Variants in PRR16 observed in about 807,000 individuals in gnomAD.
The protein encoded by PRR16 is proline rich 16.
In PRR16, 6 loss-of-function variants were observed where a neutral mutation model predicts 18.2. The ratio of observed to expected loss-of-function variants is 0.33; its 90% confidence interval spans 0.18 to 0.65. The LOEUF (loss-of-function observed/expected upper bound fraction) is 0.65, where lower values mean the gene tolerates loss of function less well. Among genes scored for constraint, PRR16 ranks in the 30% least tolerant of loss-of-function variants. The probability of loss-of-function intolerance (pLI) is 0.74; values close to 1 mark genes in which losing one functional copy is unlikely to be tolerated. For missense variants in PRR16, 412 were observed against 376.6 expected (o/e 1.09, Z -0.78); for synonymous variants, 151 against 147.8 (o/e 1.02, Z -0.16).
chr5:120,731,410 G>C, the PRR16 span, among the ~76,000 whole-genome samples: 7 of 152,220 alleles, frequency 4.6e-5, no homozygotes, highest in South Asian at 1.5e-3. Flanking sequence ...GCTGGATCTG[G>C]CTTGTACCAC....
Position 120,493,142 on chromosome 5 carries a change from C to T in PRR16, c.159+28497C>T, listed in dbSNP as rs75956157. The stretch of plus-strand genomic sequence containing the variant: ...TTTTAAGGAATGTCTATATTATTTT[C>T]CATAGTGTTAGCACTAATTTACATT... On this transcript the variant is annotated intron_variant, in intron 1 of 1. Coordinates refer to ENST00000407149, the MANE Select transcript of PRR16 (RefSeq NM_001300783.2). 4.6e-3 allele frequency among the ~76,000 whole-genome samples: 693 copies of T among 152,270 alleles called. 31 individuals are homozygous for T. In the East Asian group the frequency reaches 0.13, roughly 28 times the overall value.
chr5:120,758,256 AG>A, the PRR16 span, among the ~76,000 whole-genome samples: 1 of 151,666 alleles, frequency 6.6e-6, no homozygotes, highest in Non-Finnish European at 1.5e-5. Flanking sequence ...TTTTTAGATG[AG>A]TACTGATTTT....
At chr5:120,673,116 A>G (rs1490762700) in intron 1 of PRR16, among the ~76,000 whole-genome samples, 1 of 152,262 alleles carries the variant, frequency 6.6e-6, no homozygotes, top group Non-Finnish European at 1.5e-5. Flanking sequence ...AAAGAAAAGT[A>G]AAAACCTCAT....
intron 1 of PRR16, among the ~76,000 whole-genome samples, chr5:120,483,974 G>T (rs570595122): frequency 2.0e-5 from 3 of 152,112 alleles, no homozygotes; most frequent in African/African-American, 7.2e-5. Context: ...TCAGCCTATA[G>T]TAGATTGTAG....
chr5:120,580,655 C>T (rs1753242882), intron 1 of PRR16, among the ~76,000 whole-genome samples: 1 of 151,972 alleles, frequency 6.6e-6, no homozygotes, highest in African/African-American at 2.4e-5. Flanking sequence ...TGAGGTTTCA[C>T]TGTGTTAGCC....
chr5:120,482,424 T>C (rs1175053350), intron 1 of PRR16, among the ~76,000 whole-genome samples: 1 of 152,200 alleles, frequency 6.6e-6, no homozygotes. Context: ...GATTATGGCC[T>C]CCGGCTGCAT....
chr5:120,537,967 G>A (rs1290260090), intron 1 of PRR16, among the ~76,000 whole-genome samples: 2 of 151,232 alleles, frequency 1.3e-5, no homozygotes, highest in Non-Finnish European at 1.5e-5. Context: ...TAGTAGAGAC[G>A]GGGTTTCACC....
chr5:120,586,509 A>G (rs1242155618), intron 1 of PRR16, among the ~76,000 whole-genome samples: 1 of 151,778 alleles, frequency 6.6e-6, no homozygotes, highest in Non-Finnish European at 1.5e-5. Context: ...GCGTGTGCTT[A>G]CTTTGTATTT....
intron 1 of PRR16, among the ~76,000 whole-genome samples, chr5:120,609,074 G>A (rs1274085696): frequency 1.3e-5 from 2 of 151,508 alleles, no homozygotes; most frequent in African/African-American, 2.4e-5. Flanking sequence ...TATTTCATAA[G>A]AAGAGATGTT....
rs535718047 is a variant in PRR16, at chr5:120,560,164, A to G, written c.159+95519A>G. ...TCCGATTTTTTTAGCTAGGACTTCT[A>G]TTGCTATGTTGAATAATGGTGGTGA... On this transcript the variant is annotated intron_variant, in intron 1 of 1. Transcript: ENST00000407149. Among the ~76,000 whole-genome samples, 17 of 151,716 alleles carry G rather than the reference A, an allele frequency of 1.1e-4. No homozygotes were observed. The South Asian group carries it at 3.1e-3, about 28-fold the overall frequency.
intron 1 of PRR16, among the ~76,000 whole-genome samples, chr5:120,544,560 C>T (rs1752016954): frequency 6.6e-6 from 1 of 152,026 alleles, no homozygotes; most frequent in African/African-American, 2.4e-5. Context: ...AAAACCAAAA[C>T]TTTATACAAT....
chr5:120,737,974 T>C, the PRR16 span, among the ~76,000 whole-genome samples: 1 of 152,132 alleles, frequency 6.6e-6, no homozygotes, highest in Admixed American at 6.6e-5. Flanking sequence ...AAATTTGTTC[T>C]TTAAAAAGAA....
intron 1 of PRR16, among the ~76,000 whole-genome samples, chr5:120,574,329 G>A (rs1250729753): frequency 6.6e-6 from 1 of 152,118 alleles, no homozygotes; most frequent in Non-Finnish European, 1.5e-5. Flanking sequence ...TGTCAGCTGG[G>A]CACAGTGGCT....
At chr5:120,774,572 C>G in the PRR16 span, among the ~76,000 whole-genome samples, 1 of 152,130 alleles carries the variant, frequency 6.6e-6, no homozygotes, top group South Asian at 2.1e-4. Flanking sequence ...TTTCTCAACC[C>G]CAATAAAAGA....
chr5:120,527,029 C>A (rs796809077), intron 1 of PRR16, among the ~76,000 whole-genome samples: 84 of 152,276 alleles, frequency 5.5e-4, no homozygotes, highest in Non-Finnish European at 8.7e-4. Context: ...TCTCCTCCCC[C>A]CAGGTCCTGC....
the PRR16 span, among the ~76,000 whole-genome samples, chr5:120,753,650 T>C: frequency 3.3e-4 from 50 of 151,112 alleles, no homozygotes; most frequent in African/African-American, 1.2e-3. Flanking sequence ...AGAAACATTT[T>C]AGTTCTTACT....
the PRR16 span, among the ~76,000 whole-genome samples, chr5:120,723,277 G>A: frequency 6.6e-6 from 1 of 151,896 alleles, no homozygotes; most frequent in Non-Finnish European, 1.5e-5. Context: ...TACCTGGTAT[G>A]TATTTGGTAC....
chr5:120,576,174 A>C (rs2112745100), intron 1 of PRR16, among the ~76,000 whole-genome samples: 1 of 152,304 alleles, frequency 6.6e-6, no homozygotes, highest in East Asian at 1.9e-4. Context: ...CAAACTAAAA[A>C]TCTTCTGCCC....
At chr5:120,527,823 C>T (rs745330147) in intron 1 of PRR16, among the ~76,000 whole-genome samples, 6 of 152,086 alleles carry the variant, frequency 3.9e-5, no homozygotes, top group Non-Finnish European at 7.4e-5. Flanking sequence ...AAGGCAATGC[C>T]AAATGATGCT....
Sources: gnomAD v4.1 joint callset for allele counts (sites outside exome capture counted in the v4.1 genomes callset) on GRCh38, gnomAD v4.1.1 for gene constraint, MANE v1.5 for transcripts, NCBI Gene and HGNC (gene_info 2026-07-23, HGNC 2026-07-21) for gene names.